CHST15: variants seen among roughly 807,000 people sequenced by gnomAD.
CHST15 encodes B cell RAG associated protein (GALNAC4S-6ST).
Under a neutral mutation model 53.6 loss-of-function variants are expected in CHST15, and 30 were observed. The observed-to-expected ratio is 0.56, with a 90% CI of 0.42 to 0.76. CHST15 has a LOEUF of 0.76. CHST15 is among the 30% of genes least tolerant of loss of function. The pLI is 0.00. For missense variants in CHST15, 627 were observed against 740.5 expected (o/e 0.85, Z 1.78); for synonymous variants, 296 against 289.8 (o/e 1.02, Z -0.22).
At chr10:124,083,318 T>G (rs1439532208) in intron 1 of CHST15, among the ~76,000 whole-genome samples, 1 of 152,208 alleles carries the variant, frequency 6.6e-6, no homozygotes, top group Non-Finnish European at 1.5e-5. Context: ...CAGGCCTGCA[T>G]TTTTCTATCG....
Position 124,042,461 on chromosome 10 carries a change from G to A in CHST15, c.887-14C>T. 1.9e-6 allele frequency: 3 copies of A among 1,612,532 alleles called. No homozygotes were observed. The highest frequency in any genetic ancestry group is 3.3e-5 in the Admixed American group (2 of 59,982). On this transcript the variant is annotated splice_polypyrimidine_tract_variant and intron_variant, in intron 3 of 7. Coordinates refer to ENST00000435907, the MANE Select transcript of CHST15 (RefSeq NM_001270764.2). ...GGCGGACGATTCCTATGAGAACCAAGAAGCAGGAGATACTGAGGACAAAGT... is the reference window on the plus strand; with the variant it reads ...GGCGGACGATTCCTATGAGAACCAAAAAGCAGGAGATACTGAGGACAAAGT...
Position 124,046,074 on chromosome 10 carries a change from C to T in CHST15, c.139G>A (p.Val47Met), listed in dbSNP as rs1374287131. The T allele has an allele frequency of 3.1e-6, 5 of 1,614,252 alleles. No homozygotes were observed. Among genetic ancestry groups the T allele is most frequent in the Non-Finnish European group, 1.7e-6 (2 of 1,180,052 alleles). Residue 47 changes from valine (V) to methionine (M), a missense_variant, in exon 2 of 8, where the codon GTG (valine) becomes ATG (methionine). Coordinates refer to ENST00000435907, the MANE Select transcript of CHST15 (RefSeq NM_001270764.2). Reference sequence around the variant, plus strand: ...AGCAAGTTCATCTGCTTACTGTCCACACGAAACAGAATTTTGTTTTCTCCT... The same window carrying T: ...AGCAAGTTCATCTGCTTACTGTCCATACGAAACAGAATTTTGTTTTCTCCT... ...CKGENKILFR[V>M]DSKQMNLLAV...
At chr10:124,010,732 T>C (rs369466409) in intron 7 of CHST15, 1 of 985,362 alleles carries the variant, frequency 1.0e-6, no homozygotes, top group African/African-American at 1.7e-5. Context: ...TCGGTTTTCC[T>C]GCTCAGCAGC....
intron 1 of CHST15, among the ~76,000 whole-genome samples, chr10:124,048,289 A>G (rs2134023953): frequency 6.6e-6 from 1 of 152,302 alleles, no homozygotes; most frequent in Non-Finnish European, 1.5e-5. Flanking sequence ...TCCACAAGAG[A>G]GGAATATAAT....
chr10:124,046,044 C>T lies in CHST15; in HGVS notation c.169G>A (p.Val57Ile). 1 of 1,614,228 alleles carries T rather than the reference C, an allele frequency of 6.2e-7. No individual in the cohort carries two copies. The highest frequency in any genetic ancestry group is 8.5e-7 in the Non-Finnish European group (1 of 1,180,052). Residue 57 changes from valine to isoleucine, a missense_variant, in exon 2 of 8, where the codon GTT becomes ATT. Val to Ile is a conservative substitution (Grantham distance 29). Around this residue, in one of 3 missense-constraint regions of CHST15, gnomAD observed 187 missense variants for 251.8 expected, o/e 0.74. Transcript: ENST00000435907. The stretch of plus-strand genomic sequence containing the variant: ...TTCCCTTCAGTCCTCACTTCGAGAA[C>T]AGCAAGCAAGTTCATCTGCTTACTG... ...VDSKQMNLLA[V>I]LEVRTEGNEN...
At chr10:124,075,399 A>C (rs1949041546) in intron 1 of CHST15, among the ~76,000 whole-genome samples, 1 of 152,132 alleles carries the variant, frequency 6.6e-6, no homozygotes, top group South Asian at 2.1e-4. Flanking sequence ...TCTTTCTTCA[A>C]GTGTCACAGC....
chr10:124,047,728 A>C (rs1267692908), intron 1 of CHST15, among the ~76,000 whole-genome samples: 1 of 152,226 alleles, frequency 6.6e-6, no homozygotes, highest in Non-Finnish European at 1.5e-5. Context: ...AGTTTGAATA[A>C]TGCCTGCCAC....
chr10:124,042,556 G>A (rs1297049921), intron 3 of CHST15, 109 bp from the exon 4 acceptor site: 7 of 1,255,882 alleles, frequency 5.6e-6, no homozygotes, highest in African/African-American at 1.5e-5. Context: ...AGGGCCTGGC[G>A]ACAGCAGCAA....
chr10:124,088,621 C>A (rs904623418), intron 1 of CHST15, among the ~76,000 whole-genome samples: 2 of 152,192 alleles, frequency 1.3e-5, no homozygotes, highest in Admixed American at 1.3e-4. Context: ...CCTGCACATC[C>A]GGATGGCTGA....
Position 124,021,312 on chromosome 10 carries a change from G to A in CHST15, c.1291C>T (p.Leu431Phe). 1 of 1,613,070 alleles carries A rather than the reference G, an allele frequency of 6.2e-7. No individual in the cohort carries two copies. The highest frequency in any genetic ancestry group is 2.2e-5 in the East Asian group (1 of 44,844). ...ACGCAGGCGCGCAGTGAATAATCAA[G>A]CATGCAATTTTCAAACAGCTGCAGT... ...EALQLFENCMLDYSLRACVYN... is the reference protein window; with the variant it reads ...EALQLFENCMFDYSLRACVYN... Residue 431 changes from leucine (L) to phenylalanine (F), a missense_variant, in exon 6 of 8, where the codon CTT (leucine) becomes TTT (phenylalanine). Physicochemically the swap from Leu to Phe is conservative, Grantham distance 22. Around this residue, in one of 3 missense-constraint regions of CHST15, gnomAD observed 279 missense variants for 371.6 expected, o/e 0.75. Transcript: ENST00000435907.
At chr10:124,041,871 C>T (rs779963944) in intron 4 of CHST15, among the ~76,000 whole-genome samples, 32 of 152,294 alleles carry the variant, frequency 2.1e-4, no homozygotes, top group Non-Finnish European at 4.1e-4. Context: ...AAGCTGCCTC[C>T]GTCTTATATG....
At chr10:124,028,622 G>A (rs1384122390) in intron 5 of CHST15, among the ~76,000 whole-genome samples, 3 of 152,168 alleles carry the variant, frequency 2.0e-5, no homozygotes, top group Non-Finnish European at 4.4e-5. Flanking sequence ...AGTTCCCACA[G>A]GGACTCATGT....
intron 7 of CHST15, chr10:124,011,473 G>A (rs773985621): frequency 2.2e-5 from 22 of 985,346 alleles, no homozygotes; most frequent in Non-Finnish European, 2.5e-5. Flanking sequence ...CCAGTGGCAG[G>A]CAGATATATT....
chr10:124,068,825 C>A (rs1564904872), intron 1 of CHST15, among the ~76,000 whole-genome samples: 2 of 152,160 alleles, frequency 1.3e-5, no homozygotes, highest in South Asian at 2.1e-4. Context: ...AAGACCTTAT[C>A]TTGTGAATAA....
chr10:124,019,659 C>T lies in CHST15; in HGVS notation c.1347+1597G>A. The T allele has an allele frequency of 1.9e-6, 1 of 529,206 alleles. No homozygotes were observed. The highest frequency in any genetic ancestry group is 2.4e-6 in the Non-Finnish European group (1 of 412,740). The allele number at this position is 529,206 out of a possible 1,614,324, so 32.8% of individuals were successfully genotyped here. On this transcript the variant is annotated intron_variant, in intron 6 of 7. Coordinates refer to ENST00000435907, the MANE Select transcript of CHST15 (RefSeq NM_001270764.2). This position sits in a 1 kb window ranked among gnomAD's most constrained non-coding sequence, Gnocchi z 4.6. ...TACGTTAAACAAGTATGTGTGCTTT[C>T]TCGCGTTAGTCTTTTATTATAGGTG...
In CHST15 at chr10:124,077,598, G is replaced by A. The variant is rs138792108; in HGVS notation, c.-513+15871C>T. Among the ~76,000 whole-genome samples the A allele has an allele frequency of 4.4e-3, 673 of 152,288 alleles. 2 individuals are homozygous for A. Among genetic ancestry groups the A allele is most frequent in the African/African-American group, 0.016 (652 of 41,546 alleles). On this transcript the variant is annotated intron_variant, in intron 1 of 7. Transcript: ENST00000435907. ...GAGAAAATTAGGCCCTCCAACCAGTGCCCTGCTCTGTTAGTTTCTGCAACT... is the reference window on the plus strand; with the variant it reads ...GAGAAAATTAGGCCCTCCAACCAGTACCCTGCTCTGTTAGTTTCTGCAACT...
intron 7 of CHST15, chr10:124,011,390 C>T (rs1946413696): frequency 1.0e-6 from 1 of 985,070 alleles, no homozygotes; most frequent in Admixed American, 6.1e-5. Flanking sequence ...GATTCTAAGC[C>T]TTGGAAGGGA....
At chr10:124,084,973 G>C (rs868552518) in intron 1 of CHST15, among the ~76,000 whole-genome samples, 5 of 152,162 alleles carry the variant, frequency 3.3e-5, no homozygotes, top group Non-Finnish European at 5.9e-5. Flanking sequence ...ACAAGCCCTC[G>C]GCCCACACTC....
rs544179725 is a variant in CHST15 at position 124,026,117 on chromosome 10, C to T, written c.1191-4705G>A. 3.9e-5 allele frequency among the ~76,000 whole-genome samples: 6 copies of T among 152,292 alleles called. No homozygotes were observed. In the East Asian group the frequency reaches 1.2e-3, roughly 29 times the overall value. On this transcript the variant is annotated intron_variant, in intron 5 of 7. Coordinates refer to ENST00000435907, the MANE Select transcript of CHST15 (RefSeq NM_001270764.2). ...AATACTTCTCTGCCACCCTGAGACCCTGGAACAGTGGCCCTGAGGGTAGGG... is the reference window on the plus strand; with the variant it reads ...AATACTTCTCTGCCACCCTGAGACCTTGGAACAGTGGCCCTGAGGGTAGGG...
Sources: allele counts gnomAD v4.1 joint callset (sites outside exome capture counted in the v4.1 genomes callset), GRCh38; gene constraint gnomAD v4.1.1; regional missense constraint gnomAD v4.1.1; non-coding constraint Gnocchi (gnomAD v3.1); transcripts MANE v1.5; gene names NCBI Gene and HGNC (gene_info 2026-07-23, HGNC 2026-07-21).